The following FAT2 variants were observed in gnomAD, a reference collection of about 807,000 sequenced individuals.
FAT2 encodes the protein FAT atypical cadherin 2, also known as protocadherin Fat 2.
In FAT2, 150 loss-of-function variants were observed where a neutral mutation model predicts 295.3. That is an observed-to-expected ratio of 0.51 (90% CI 0.44 to 0.58). FAT2 has a LOEUF of 0.58. Ranked by LOEUF, FAT2 falls within the 20% of genes least tolerant of loss-of-function variation. The pLI, the probability that FAT2 is intolerant of heterozygous loss-of-function variation, is 0.00. For missense variants in FAT2, 4,868 were observed against 5,442.7 expected (o/e 0.89, Z 3.32); for synonymous variants, 2,026 against 2,150.3 (o/e 0.94, Z 1.60).
Position 151,540,221 on chromosome 5 carries a change from T to C in FAT2, c.9039+346A>G, listed in dbSNP as rs999614769. Among the ~76,000 whole-genome samples the C allele has an allele frequency of 9.8e-5, 15 of 152,296 alleles. 1 individual carries two copies. Among genetic ancestry groups the C allele is most frequent in the African/African-American group, 3.1e-4 (13 of 41,566 alleles). On this transcript the variant is annotated intron_variant, in intron 11 of 23. Transcript: ENST00000261800. Reference sequence around the variant, plus strand: ...TCTTGAACAGCTTGGTATATCCCTATGGGGGCCAAGGAATTACCTAGAATG... The same window carrying C: ...TCTTGAACAGCTTGGTATATCCCTACGGGGGCCAAGGAATTACCTAGAATG...
intron 1 of FAT2, among the ~76,000 whole-genome samples, chr5:151,583,326 A>G (rs1759037440): frequency 6.6e-6 from 1 of 152,230 alleles, no homozygotes; most frequent in Non-Finnish European, 1.5e-5. Context: ...ATGGACAAGT[A>G]TATTTCAGTA....
chr5:151,588,676 G>A (rs1414206132), intron 1 of FAT2, among the ~76,000 whole-genome samples: 3 of 152,162 alleles, frequency 2.0e-5, no homozygotes, highest in Non-Finnish European at 4.4e-5. Context: ...GCTTATCTTA[G>A]TAGGAGAGCC....
Position 151,525,896 on chromosome 5 carries a change from G to A in FAT2, c.10378C>T (p.Pro3460Ser), listed in dbSNP as rs769838396. 3.8e-5 allele frequency: 61 copies of A among 1,614,184 alleles called. No homozygotes were observed. Among genetic ancestry groups the A allele is most frequent in the Non-Finnish European group, 4.5e-5 (53 of 1,180,034 alleles). ...LSDPDSPENG[P>S]PYSFRITKGN... The stretch of plus-strand genomic sequence containing the variant: ...TTGGTGATTCGAAACGAGTAGGGGG[G>A]GCCATTCTCTGGAGAATCTGGGTCA... Residue 3460 changes from proline (P) to serine (S), a missense_variant, in exon 18 of 24, where the codon CCC (proline) becomes TCC (serine). Physicochemically the swap from Pro to Ser is moderately conservative, Grantham distance 74. Transcript: ENST00000261800.
rs771003790 is a variant in FAT2 at position 151,568,385 on chromosome 5, A to T, written c.547T>A (p.Phe183Ile). The T allele has an allele frequency of 6.2e-7, 1 of 1,614,080 alleles. No individual in the cohort carries two copies. The highest frequency in any genetic ancestry group is 1.3e-5 in the African/African-American group (1 of 74,996). ...GACCTTGTGTTAAAGGCATAATAGA[A>T]CTCAGCATTCTGGCCTAGATCAGCA... ...TDADLGQNAEFYYAFNTRSEM... is the reference protein window; with the variant it reads ...TDADLGQNAEIYYAFNTRSEM... Residue 183 changes from phenylalanine (F) to isoleucine (I), a missense_variant, in exon 2 of 24, where the codon TTC (phenylalanine) becomes ATC (isoleucine). Phe to Ile is a conservative substitution (Grantham distance 21). Coordinates refer to ENST00000261800, the MANE Select transcript of FAT2 (RefSeq NM_001447.3).
chr5:151,519,909 A>C (rs1455682726), intron 19 of FAT2, among the ~76,000 whole-genome samples: 1 of 152,216 alleles, frequency 6.6e-6, no homozygotes, highest in Non-Finnish European at 1.5e-5. Flanking sequence ...TCTGGAGGTG[A>C]CACCCAGGAG....
chr5:151,568,727 C>T lies in FAT2; in HGVS notation c.205G>A (p.Val69Met), dbSNP rs116402695. The T allele has an allele frequency of 1.2e-3, 1,947 of 1,614,190 alleles. 16 individuals are homozygous for T. In the African/African-American group the frequency reaches 0.024, roughly 20 times the overall value. The change falls in exon 2 of 24, where the codon GTG becomes ATG. Residue 69 changes from valine (V) to methionine (M), a missense_variant. This residue lies in a region of FAT2 where 3,297 missense variants were observed against 3,669.4 expected (regional missense o/e 0.90). Coordinates refer to ENST00000261800, the MANE Select transcript of FAT2 (RefSeq NM_001447.3). ...TCCCCAGAGATGATCCGGTACCTCA[C>T]TGCCCACTGTGGCTCCGCGAGGTAG... ...GIYLAEPQWA[V>M]RYRIISGDVA...
intron 1 of FAT2, among the ~76,000 whole-genome samples, chr5:151,582,662 G>A (rs934008736): frequency 6.6e-5 from 10 of 152,108 alleles, no homozygotes; most frequent in African/African-American, 2.4e-4. Context: ...CTGATCCTAC[G>A]CCCTGATGGA....
At chr5:151,536,689 A>C (rs1428700414) in intron 12 of FAT2, among the ~76,000 whole-genome samples, 1 of 152,138 alleles carries the variant, frequency 6.6e-6, no homozygotes, top group Non-Finnish European at 1.5e-5. Flanking sequence ...CAACCCATCC[A>C]CTGAGCCAGA....
At chr5:151,594,165 G>T (rs192774051), upstream of FAT2, among the ~76,000 whole-genome samples, 1 of 152,270 alleles carries the variant, frequency 6.6e-6, no homozygotes, top group Admixed American at 6.5e-5. Flanking sequence ...CTTGGCCAAG[G>T]TCACTGGTCT....
rs1390684998 is a variant in FAT2, at chr5:151,512,737, T to A, written c.11464-131A>T. On this transcript the variant is annotated intron_variant, in intron 20 of 23. Transcript: ENST00000261800. The surrounding 1 kb of genome is among the most constrained non-coding windows in gnomAD (Gnocchi z 4.1). ...GGGGGGTGTTTGGCTGTTTTAGACA[T>A]GGCATTTGCAGAGCATAAAAACCCT... 2 of 820,056 alleles carry A rather than the reference T, an allele frequency of 2.4e-6. No individual in the cohort carries two copies. The highest frequency in any genetic ancestry group is 3.6e-5 in the South Asian group (2 of 55,188). 50.8% of individuals were successfully genotyped at this position (820,056 alleles called of 1,614,324 possible).
chr5:151,510,415 AACAGGATAACAACCATAG>A, intron 21 of FAT2: 1 of 450,078 alleles, frequency 2.2e-6, no homozygotes, highest in Non-Finnish European at 4.1e-6. Context: ...AACAGTAATA[AACAGGATAACAACCATAG>A]ACACTAACTT....
At chr5:151,534,010 T>G (rs1482697924) in intron 13 of FAT2, among the ~76,000 whole-genome samples, 1 of 152,126 alleles carries the variant, frequency 6.6e-6, no homozygotes, top group Non-Finnish European at 1.5e-5. Flanking sequence ...ATCAAGGAAT[T>G]TAATGGGCTT....
At chr5:151,559,498 A>G (rs1757927127) in intron 3 of FAT2, among the ~76,000 whole-genome samples, 1 of 151,984 alleles carries the variant, frequency 6.6e-6, no homozygotes, top group East Asian at 1.9e-4. Context: ...TAAGCCTTCT[A>G]TCTGGCTCCA....
rs1247771916 is a variant in FAT2, at chr5:151,507,332, G to A, written c.12339C>T (p.Asn4113=). The change falls in exon 23 of 24, where the codon AAC becomes AAT. Residue 4113 remains asparagine (N), a synonymous_variant. Coordinates refer to ENST00000261800, the MANE Select transcript of FAT2 (RefSeq NM_001447.3). ...CCTTGCTGGGTTCCGGTTGGTTGAG[G>A]TTGTTGCAGGAGCTGGCACTCAATG... The part of the protein sequence containing the change: ...LNPLSASSCN[N]LNQPEPSKAS... 6.2e-7 allele frequency: 1 copy of A among 1,614,188 alleles called. No individual in the cohort carries two copies. Among genetic ancestry groups the A allele is most frequent in the Non-Finnish European group, 8.5e-7 (1 of 1,180,040 alleles).
chr5:151,518,374 A>T (rs12654392), intron 19 of FAT2, among the ~76,000 whole-genome samples: 49,537 of 147,136 alleles, frequency 0.34, 9,791 homozygotes, highest in East Asian at 0.66. Context: ...TAATAATAAT[A>T]ATTTTTAAAA....
intron 21 of FAT2, 141 bp from the exon 22 acceptor site, chr5:151,510,315 G>T (rs1761223221): frequency 2.1e-6 from 2 of 949,448 alleles, no homozygotes; most frequent in Non-Finnish European, 3.1e-6. Flanking sequence ...CCAATACCGT[G>T]CTGGGCATTG....
Position 151,527,253 on chromosome 5 carries a change from T to C in FAT2, c.10289A>G (p.Asn3430Ser). The C allele has an allele frequency of 6.2e-7, 1 of 1,611,734 alleles. No homozygotes were observed. The highest frequency in any genetic ancestry group is 8.5e-7 in the Non-Finnish European group (1 of 1,178,522). The change falls in exon 17 of 24, where the codon AAC (asparagine) becomes AGC (serine). Residue 3430 changes from asparagine (N) to serine (S), a missense_variant. Asn to Ser is a conservative substitution (Grantham distance 46). This residue lies in a region of FAT2 where 1,046 missense variants were observed against 1,210.1 expected (regional missense o/e 0.86). Coordinates refer to ENST00000261800, the MANE Select transcript of FAT2 (RefSeq NM_001447.3). ...GCTTACCTGGACAGTGGTGCTGTAG[T>C]TGAGCTGGAAGAATCTCGGTGGGTT... The part of the protein sequence containing the change: ...NDNPPRFFQL[N>S]YSTTVQENSP...
In FAT2 at chr5:151,512,107, C is replaced by T; in HGVS notation, c.11905+58G>A. ...AGATCTCCACCCTGACATGCTTTTC[C>T]CACCTGAAGAGCCTTCTGGGATAAA... On this transcript the variant is annotated intron_variant, in intron 21 of 23. Transcript: ENST00000261800. The surrounding 1 kb of genome is among the most constrained non-coding windows in gnomAD (Gnocchi z 4.1). 6.6e-7 allele frequency: 1 copy of T among 1,525,770 alleles called. No individual in the cohort carries two copies. The highest frequency in any genetic ancestry group is 8.9e-7 in the Non-Finnish European group (1 of 1,121,498). 94.5% of individuals were successfully genotyped at this position (1,525,770 alleles called of 1,614,324 possible). A position where few individuals can be genotyped will look rare whatever the true frequency, so the allele number is the denominator to read the frequency against.
intron 18 of FAT2, among the ~76,000 whole-genome samples, chr5:151,522,485 G>C (rs1375884472): frequency 6.6e-6 from 1 of 152,206 alleles, no homozygotes; most frequent in Non-Finnish European, 1.5e-5. Context: ...CATGCACCCT[G>C]CTCAGCCTAC....
Sources: allele counts gnomAD v4.1 joint callset (sites outside exome capture counted in the v4.1 genomes callset), GRCh38; gene constraint gnomAD v4.1.1; regional missense constraint gnomAD v4.1.1; non-coding constraint Gnocchi (gnomAD v3.1); transcripts MANE v1.5; gene names NCBI Gene and HGNC (gene_info 2026-07-23, HGNC 2026-07-21).